Variants in MTPN observed in about 807,000 individuals in gnomAD.
The protein encoded by MTPN is myotrophin.
Under a neutral mutation model 13.5 loss-of-function variants are expected in MTPN, and 2 were observed. That is an observed-to-expected ratio of 0.15 (90% CI 0.06 to 0.47). The LOEUF (loss-of-function observed/expected upper bound fraction) is 0.47, where lower values mean the gene tolerates loss of function less well. Ranked by LOEUF, MTPN falls within the 20% of genes least tolerant of loss-of-function variation. The probability of loss-of-function intolerance (pLI) is 0.97; values close to 1 mark genes in which losing one functional copy is unlikely to be tolerated. For synonymous variants in MTPN, 46 were observed against 51.7 expected, an observed-to-expected ratio of 0.89 and a Z score of 0.48; for missense variants, 79 against 137.9, an observed-to-expected ratio of 0.57 and a Z score of 2.14.
At chr7:135,935,203 T>G (rs1172497821) in intron 3 of MTPN, among the ~76,000 whole-genome samples, 2 of 152,138 alleles carry the variant, frequency 1.3e-5, no homozygotes, top group East Asian at 3.9e-4. Flanking sequence ...CCATCACTTT[T>G]TTAGTTCAGG....
At chr7:135,972,231 G>GCGCGCGCACA (rs779296906) in intron 1 of MTPN, among the ~76,000 whole-genome samples, 31 of 124,718 alleles carry the variant, frequency 2.5e-4, no homozygotes, top group Admixed American at 5.3e-4. Flanking sequence ...GCACGCGCGC[G>GCGCGCGCACA]CACACACACA....
In MTPN at chr7:135,929,958, C is replaced by G. The variant is rs374254786; in HGVS notation, c.325G>C (p.Asp109His). 4 of 1,613,998 alleles carry G rather than the reference C, an allele frequency of 2.5e-6. No homozygotes were observed. Among genetic ancestry groups the G allele is most frequent in the Non-Finnish European group, 3.4e-6 (4 of 1,179,934 alleles). ...AGAAGAGCTTTGATTGCCTGGTTGT[C>G]AGTGGCTTCAAAGGCGGTCAGTCCA... ...PDGLTAFEATDNQAIKALLQ is the reference protein window; with the variant it reads ...PDGLTAFEATHNQAIKALLQ Residue 109 changes from aspartate to histidine, a missense_variant, in exon 4 of 4, where the codon GAC (aspartate) becomes CAC (histidine). Coordinates refer to ENST00000393085, the MANE Select transcript of MTPN (RefSeq NM_145808.4).
In MTPN at chr7:135,929,974, G is replaced by A. The variant is rs777790313; in HGVS notation, c.309C>T (p.Thr103=). ...DKTVKGPDGL[T]AFEATDNQAI... is the part of the protein sequence containing the mutation. Reference sequence around the variant, plus strand: ...CCTGGTTGTCAGTGGCTTCAAAGGCGGTCAGTCCATCTGGGCCTTTCACAG... The same window carrying A: ...CCTGGTTGTCAGTGGCTTCAAAGGCAGTCAGTCCATCTGGGCCTTTCACAG... The change falls in exon 4 of 4, where the codon ACC becomes ACT. Residue 103 remains threonine, a synonymous_variant. Transcript: ENST00000393085. The A allele has an allele frequency of 1.3e-5, 21 of 1,613,854 alleles. No individual in the cohort carries two copies. The highest frequency in any genetic ancestry group is 1.6e-4 in the Middle Eastern group (1 of 6,084).
intron 1 of MTPN, among the ~76,000 whole-genome samples, chr7:135,969,430 T>A (rs1409606510): frequency 6.6e-6 from 1 of 151,726 alleles, no homozygotes; most frequent in Non-Finnish European, 1.5e-5. Context: ...TGGATTTAAT[T>A]TGCATTTTCC....
At position 135,946,474 on chromosome 7, in the gene MTPN, T is replaced by C. The variant is rs1267770846; in HGVS notation, c.270+4125A>G. On this transcript the variant is annotated intron_variant, in intron 3 of 3. Coordinates refer to ENST00000393085, the MANE Select transcript of MTPN (RefSeq NM_145808.4). ...AACTATTTATGAGCTAGAGCAGGGG[T>C]TGGCAAACATGGCCTGGATATTTGT... Among the ~76,000 whole-genome samples, 2 of 113,656 alleles carry C rather than the reference T, an allele frequency of 1.8e-5. 1 individual carries two copies. The highest frequency in any genetic ancestry group is 6.2e-4 in the East Asian group (2 of 3,224). 74.6% of individuals were successfully genotyped at this position (113,656 alleles called of 152,430 possible).
intron 3 of MTPN, among the ~76,000 whole-genome samples, chr7:135,948,765 C>T (rs1306887633): frequency 6.6e-6 from 1 of 151,992 alleles, no homozygotes; most frequent in African/African-American, 2.4e-5. Flanking sequence ...AGGTCTAACA[C>T]AAAGAAAAAT....
chr7:135,972,229 G>GCGCA (rs957605326), intron 1 of MTPN, among the ~76,000 whole-genome samples: 23 of 117,402 alleles, frequency 2.0e-4, no homozygotes, highest in African/African-American at 5.2e-4. Context: ...GCGCACGCGC[G>GCGCA]CGCACACACA....
intron 1 of MTPN, among the ~76,000 whole-genome samples, chr7:135,961,365 A>C (rs1799519829): frequency 6.6e-6 from 1 of 152,054 alleles, no homozygotes; most frequent in East Asian, 1.9e-4. Flanking sequence ...TAAAGCAAAA[A>C]GACTCCCAAA....
intron 3 of MTPN, among the ~76,000 whole-genome samples, chr7:135,941,424 T>G (rs998503826): frequency 1.9e-5 from 2 of 102,776 alleles, no homozygotes; most frequent in Admixed American, 1.8e-4. Context: ...TTGAGAACTT[T>G]AATTTACCAA....
At chr7:135,963,828 A>C (rs1268695221) in intron 1 of MTPN, among the ~76,000 whole-genome samples, 3 of 152,054 alleles carry the variant, frequency 2.0e-5, no homozygotes, top group Non-Finnish European at 4.4e-5. Context: ...CATTCAAATT[A>C]TAGAAATTTC....
chr7:135,963,291 T>G (rs772397062), intron 1 of MTPN, among the ~76,000 whole-genome samples: 2 of 151,930 alleles, frequency 1.3e-5, no homozygotes, highest in Non-Finnish European at 2.9e-5. Context: ...CCTAATACTC[T>G]CTCTCTGTCC....
intron 3 of MTPN, among the ~76,000 whole-genome samples, chr7:135,941,399 G>GC (rs1236283713): frequency 6.6e-6 from 1 of 152,210 alleles, no homozygotes. Context: ...AATGTCATAT[G>GC]AACCAAAGCA....
chr7:135,964,514 A>C (rs1799575564), intron 1 of MTPN, among the ~76,000 whole-genome samples: 2 of 152,120 alleles, frequency 1.3e-5, no homozygotes. Context: ...GTGAAGGATG[A>C]TCTCATGCAG....
intron 3 of MTPN, chr7:135,932,588 C>G (rs1191390560): frequency 1.3e-5 from 2 of 151,756 alleles, no homozygotes; most frequent in Non-Finnish European, 2.9e-5. Flanking sequence ...CTCTTCTATT[C>G]TAAATATATA....
rs1323424491 is a variant in MTPN at position 135,973,042 on chromosome 7, C to G, written c.72+3987G>C. Reference sequence around the variant, plus strand: ...GCCCAGATAATAGTGGCCTAGTACACCATACCAATGAGGAGCTGGCCCTTT... The same window carrying G: ...GCCCAGATAATAGTGGCCTAGTACAGCATACCAATGAGGAGCTGGCCCTTT... On this transcript the variant is annotated intron_variant, in intron 1 of 3. Transcript: ENST00000393085. Among the ~76,000 whole-genome samples the G allele has an allele frequency of 3.3e-5, 5 of 150,472 alleles. No homozygotes were observed. The East Asian group carries it at 1.0e-3, about 31-fold the overall frequency.
chr7:135,937,328 T>G (rs547892228), intron 3 of MTPN, among the ~76,000 whole-genome samples: 149 of 151,754 alleles, frequency 9.8e-4, no homozygotes, highest in African/African-American at 3.5e-3. Context: ...GGCAAAAAAT[T>G]AGCACTTCTA....
intron 1 of MTPN, among the ~76,000 whole-genome samples, chr7:135,961,573 G>A (rs1799523479): frequency 6.6e-6 from 1 of 151,438 alleles, no homozygotes; most frequent in African/African-American, 2.4e-5. Flanking sequence ...CCTTGTTCAG[G>A]CTGGATTTGA....
chr7:135,948,147 G>C (rs986093460), intron 3 of MTPN, among the ~76,000 whole-genome samples: 2 of 151,954 alleles, frequency 1.3e-5, no homozygotes, highest in Admixed American at 6.6e-5. Context: ...AGATGCACTG[G>C]AACAACTCTA....
intron 3 of MTPN, among the ~76,000 whole-genome samples, chr7:135,948,496 C>A (rs922842903): frequency 6.6e-6 from 1 of 152,116 alleles, no homozygotes; most frequent in Non-Finnish European, 1.5e-5. Flanking sequence ...AGACAACTCA[C>A]AATCAATAAT....
Sources: allele counts gnomAD v4.1 joint callset (sites outside exome capture counted in the v4.1 genomes callset), GRCh38; gene constraint gnomAD v4.1.1; transcripts MANE v1.5; gene names NCBI Gene and HGNC (gene_info 2026-07-23, HGNC 2026-07-21).